Variants in PLA2R1 observed in about 807,000 individuals in gnomAD.
PLA2R1 encodes secretory phospholipase A2 receptor.
Under a neutral mutation model 195.9 loss-of-function variants are expected in PLA2R1, and 158 were observed. The ratio of observed to expected loss-of-function variants is 0.81; its 90% CI spans 0.71 to 0.92. The LOEUF is 0.92. Among genes scored for constraint, PLA2R1 ranks in the 40% least tolerant of loss-of-function variants. PLA2R1 has a pLI of 0.00. For synonymous variants in PLA2R1, 586 were observed against 598.2 expected, an observed-to-expected ratio of 0.98 and a Z score of 0.30; for missense variants, 1,626 against 1,764.6, an observed-to-expected ratio of 0.92 and a Z score of 1.41.
chr2:160,057,794 T>C (rs1695660149), intron 1 of PLA2R1, among the ~76,000 whole-genome samples: 1 of 152,194 alleles, frequency 6.6e-6, no homozygotes, highest in African/African-American at 2.4e-5. Context: ...TCTGTTGGTT[T>C]CCTTCTCACA....
At position 159,987,307 on chromosome 2, in the gene PLA2R1, C is replaced by T; in HGVS notation, c.1886G>A (p.Trp629Ter). The part of the protein sequence containing the change: ...AMRGRHPLGR[W>*]EVKHCRHFKA... Reference sequence around the variant, plus strand: ...AAAGTGCCGACAGTGCTTCACTTCCCAGCGACCAAGTGGATGCCTTCCTCG... The same window carrying T: ...AAAGTGCCGACAGTGCTTCACTTCCTAGCGACCAAGTGGATGCCTTCCTCG... The change falls in exon 12 of 30, where the codon TGG becomes TAG. Residue 629 changes from tryptophan (W) to a stop codon, truncating the protein, a stop_gained. Coordinates refer to ENST00000283243, the MANE Select transcript of PLA2R1 (RefSeq NM_007366.5). LOFTEE classifies it high-confidence loss of function. 1.2e-6 allele frequency: 2 copies of T among 1,612,584 alleles called. No homozygotes were observed. Among genetic ancestry groups the T allele is most frequent in the Non-Finnish European group, 1.7e-6 (2 of 1,179,934 alleles).
chr2:159,931,339 G>T (rs1312255633), downstream of PLA2R1, among the ~76,000 whole-genome samples: 1 of 152,114 alleles, frequency 6.6e-6, no homozygotes, highest in Non-Finnish European at 1.5e-5. Context: ...AGACCAGCCT[G>T]GGTAACAGAG....
intron 1 of PLA2R1, among the ~76,000 whole-genome samples, chr2:160,050,917 C>T (rs981369868): frequency 6.6e-6 from 1 of 152,120 alleles, no homozygotes; most frequent in African/African-American, 2.4e-5. Context: ...CCATCTGCAC[C>T]CCTTCTGATC....
chr2:160,020,205 T>C lies in PLA2R1; in HGVS notation c.1353A>G (p.Glu451=). Residue 451 remains glutamate, a synonymous_variant, in exon 8 of 30, where the codon GAA becomes GAG. Coordinates refer to ENST00000283243, the MANE Select transcript of PLA2R1 (RefSeq NM_007366.5). The part of the protein sequence containing the change: ...LSSNKIPVSF[E]WSNDSSVIFT... ...AGATGACTGAAGAGTCATTAGACCATTCAAAGGAAACTGGAATTTTATTGC... is the reference window on the plus strand; with the variant it reads ...AGATGACTGAAGAGTCATTAGACCACTCAAAGGAAACTGGAATTTTATTGC... The C allele has an allele frequency of 6.2e-7, 1 of 1,611,562 alleles. No homozygotes were observed. The highest frequency in any genetic ancestry group is 8.5e-7 in the Non-Finnish European group (1 of 1,177,734).
chr2:160,012,127 A>G (rs894473505), intron 10 of PLA2R1, among the ~76,000 whole-genome samples: 5 of 152,184 alleles, frequency 3.3e-5, no homozygotes, highest in Non-Finnish European at 7.3e-5. Context: ...TCCTCTACAA[A>G]TTAGGCTTAT....
intron 23 of PLA2R1, among the ~76,000 whole-genome samples, chr2:159,953,128 TTA>T (rs759932300): frequency 1.3e-5 from 2 of 152,244 alleles, no homozygotes; most frequent in Non-Finnish European, 2.9e-5. Context: ...CCCCACTGAG[TTA>T]TATGTCTGTA....
chr2:160,003,525 G>A (rs1691750172), intron 11 of PLA2R1, among the ~76,000 whole-genome samples: 1 of 152,022 alleles, frequency 6.6e-6, no homozygotes, highest in African/African-American at 2.4e-5. Flanking sequence ...AAAACAAAAT[G>A]TATAGAACAA....
chr2:159,942,547 G>T (rs1036426968), intron 28 of PLA2R1, among the ~76,000 whole-genome samples: 2 of 152,110 alleles, frequency 1.3e-5, no homozygotes, highest in African/African-American at 2.4e-5. Context: ...TATAAACCCT[G>T]CATACAAGGA....
At chr2:160,057,725 G>A (rs1008678675) in intron 1 of PLA2R1, among the ~76,000 whole-genome samples, 1 of 152,086 alleles carries the variant, frequency 6.6e-6, no homozygotes, top group African/African-American at 2.4e-5. Flanking sequence ...AGCCTCTTGG[G>A]GCCAGTGTCA....
At chr2:160,003,267 T>G (rs1482523074) in intron 11 of PLA2R1, among the ~76,000 whole-genome samples, 2 of 151,962 alleles carry the variant, frequency 1.3e-5, no homozygotes, top group Non-Finnish European at 2.9e-5. Context: ...TAATCTTTGG[T>G]TGAGCAAAGC....
chr2:159,950,856 G>GA (rs1172312036), intron 24 of PLA2R1, among the ~76,000 whole-genome samples: 1 of 152,100 alleles, frequency 6.6e-6, no homozygotes, highest in Non-Finnish European at 1.5e-5. Flanking sequence ...TTAAAAAAAT[G>GA]AAAATAACGT....
At chr2:159,952,953 T>C (rs1338077760) in intron 23 of PLA2R1, among the ~76,000 whole-genome samples, 1 of 152,226 alleles carries the variant, frequency 6.6e-6, no homozygotes, top group Non-Finnish European at 1.5e-5. Flanking sequence ...TTATCATATT[T>C]TTATTCTTTG....
chr2:159,946,796 C>T lies in PLA2R1; in HGVS notation c.3967+5G>A. On this transcript the variant is annotated splice_donor_5th_base_variant and intron_variant, in intron 27 of 29. Transcript: ENST00000283243. Reference sequence around the variant, plus strand: ...TATGTCCTCTCCTCTACCCAAATCACTTACTGTTACCATCAAATTGAGCAT... The same window carrying T: ...TATGTCCTCTCCTCTACCCAAATCATTTACTGTTACCATCAAATTGAGCAT... The T allele has an allele frequency of 6.2e-7, 1 of 1,603,548 alleles. No individual in the cohort carries two copies. The highest frequency in any genetic ancestry group is 1.3e-5 in the African/African-American group (1 of 74,284).
intron 1 of PLA2R1, among the ~76,000 whole-genome samples, chr2:160,059,229 C>G (rs1046777034): frequency 6.6e-6 from 1 of 152,192 alleles, no homozygotes; most frequent in Non-Finnish European, 1.5e-5. Flanking sequence ...CTGTTGCTCA[C>G]CTTCTGTTGT....
chr2:159,967,960 A>C (rs1348304667), intron 19 of PLA2R1, among the ~76,000 whole-genome samples: 4 of 152,182 alleles, frequency 2.6e-5, no homozygotes, highest in African/African-American at 4.8e-5. Flanking sequence ...AATCTTAAGA[A>C]TATTTGACTT....
At chr2:159,956,434 T>G in intron 21 of PLA2R1, 76 bp downstream of exon 21, 1 of 800,050 alleles carries the variant, frequency 1.2e-6, no homozygotes, top group Non-Finnish European at 2.2e-6. Context: ...AATGTTAGTA[T>G]AGGTGGGGGG....
intron 26 of PLA2R1, among the ~76,000 whole-genome samples, 181 bp from the exon 27 acceptor site, chr2:159,947,098 G>A (rs1285313130): frequency 1.1e-4 from 17 of 152,134 alleles, no homozygotes; most frequent in South Asian, 2.1e-4. Context: ...AAGCTTGCAC[G>A]TCAGAAGTTA....
chr2:159,979,782 C>T, intron 14 of PLA2R1, 48 bp downstream of exon 14: 1 of 1,092,540 alleles, frequency 9.2e-7, no homozygotes, highest in Non-Finnish European at 1.4e-6. Flanking sequence ...TGGTCCCAGG[C>T]CCACTTGTTT....
chr2:159,955,395 T>C (rs1432995079), intron 22 of PLA2R1, 49 bp from the exon 23 acceptor site: 2 of 1,195,230 alleles, frequency 1.7e-6, no homozygotes, highest in East Asian at 2.6e-5. Context: ...ATAGCATTAT[T>C]ATAACATTAA....
Sources: allele counts gnomAD v4.1 joint callset (sites outside exome capture counted in the v4.1 genomes callset), GRCh38; gene constraint gnomAD v4.1.1; transcripts MANE v1.5; gene names NCBI Gene and HGNC (gene_info 2026-07-23, HGNC 2026-07-21).